The following RAB28 variants were observed in gnomAD, a reference collection of about 807,000 sequenced individuals.
RAB28 encodes ras-related protein Rab-28.
RAB28 carries 24 observed loss-of-function variants against 31.7 expected under a neutral mutation model. That is an observed-to-expected ratio of 0.76 (90% CI 0.55 to 1.06). The LOEUF (loss-of-function observed/expected upper bound fraction) is 1.06, where lower values mean the gene tolerates loss of function less well. Ranked by LOEUF, RAB28 falls within the 50% of genes least tolerant of loss-of-function variation. The pLI, the probability that RAB28 is intolerant of heterozygous loss-of-function variation, is 0.00. For missense variants in RAB28, 254 were observed against 258.5 expected, an observed-to-expected ratio of 0.98 and a Z score of 0.12; for synonymous variants, 100 against 90.4, an observed-to-expected ratio of 1.11 and a Z score of -0.60.
chr4:13,389,180 T>C (rs1047449558), intron 4 of RAB28, among the ~76,000 whole-genome samples: 6 of 152,162 alleles, frequency 3.9e-5, no homozygotes, highest in Admixed American at 1.3e-4. Flanking sequence ...CTTGAGCGCA[T>C]TACGTTAAGT....
At chr4:13,438,983 A>T (rs976752660) in intron 4 of RAB28, among the ~76,000 whole-genome samples, 4 of 152,134 alleles carry the variant, frequency 2.6e-5, no homozygotes, top group African/African-American at 9.7e-5. Flanking sequence ...ACTGGGTGTG[A>T]CATGTTGTCT....
At chr4:13,390,397 T>C (rs1019885625) in intron 4 of RAB28, among the ~76,000 whole-genome samples, 2 of 152,066 alleles carry the variant, frequency 1.3e-5, no homozygotes, top group Non-Finnish European at 2.9e-5. Flanking sequence ...TACAAACCAC[T>C]GCTCAAGGAA....
chr4:13,437,962 G>A (rs1714213400), intron 4 of RAB28, among the ~76,000 whole-genome samples: 1 of 151,994 alleles, frequency 6.6e-6, no homozygotes, highest in Admixed American at 6.6e-5. Context: ...CATCAAAAGT[G>A]GACTGGATAA....
intron 4 of RAB28, among the ~76,000 whole-genome samples, chr4:13,430,727 C>T (rs2108930705): frequency 6.6e-6 from 1 of 152,256 alleles, no homozygotes; most frequent in Non-Finnish European, 1.5e-5. Context: ...TCACCAGATG[C>T]ACCACAAATA....
At chr4:13,419,253 G>C (rs1468050113) in intron 4 of RAB28, among the ~76,000 whole-genome samples, 1 of 152,120 alleles carries the variant, frequency 6.6e-6, no homozygotes, top group Non-Finnish European at 1.5e-5. Flanking sequence ...CATAAAGCAA[G>C]TCCTTAGAGA....
At chr4:13,476,621 T>C (rs760214747) in intron 2 of RAB28, among the ~76,000 whole-genome samples, 4 of 151,532 alleles carry the variant, frequency 2.6e-5, no homozygotes, top group Admixed American at 6.6e-5. Flanking sequence ...GAGGATATGA[T>C]TCAAATCAAT....
intron 4 of RAB28, among the ~76,000 whole-genome samples, chr4:13,428,171 C>T (rs910647568): frequency 2.0e-5 from 3 of 152,212 alleles, no homozygotes; most frequent in Non-Finnish European, 4.4e-5. Context: ...TTTAACCAGG[C>T]CCAGGGCGCG....
intron 4 of RAB28, among the ~76,000 whole-genome samples, chr4:13,398,817 T>C (rs939395820): frequency 2.0e-5 from 3 of 151,566 alleles, no homozygotes; most frequent in African/African-American, 7.3e-5. Context: ...TAGGCAATTA[T>C]ATTATGGTTA....
intron 4 of RAB28, among the ~76,000 whole-genome samples, chr4:13,416,543 G>C (rs1712791873): frequency 6.6e-6 from 1 of 152,132 alleles, no homozygotes; most frequent in African/African-American, 2.4e-5. Context: ...TAGAAATACA[G>C]AGAAAAATTA....
chr4:13,399,291 T>C (rs1711612583), intron 4 of RAB28, among the ~76,000 whole-genome samples: 1 of 152,220 alleles, frequency 6.6e-6, no homozygotes. Flanking sequence ...CATGCATTTG[T>C]ACTGCCATAT....
chr4:13,369,245 AT>A (rs1728625420), intron 6 of RAB28, among the ~76,000 whole-genome samples: 1 of 152,130 alleles, frequency 6.6e-6, no homozygotes, highest in Non-Finnish European at 1.5e-5. Flanking sequence ...ACTATTGGTT[AT>A]GAATACAACT....
chr4:13,446,072 G>A (rs1714679947), intron 4 of RAB28, among the ~76,000 whole-genome samples: 1 of 152,202 alleles, frequency 6.6e-6, no homozygotes, highest in Non-Finnish European at 1.5e-5. Context: ...GCCTTGCCCA[G>A]TAAGGAGGAA....
At chr4:13,430,754 T>C (rs1305678029) in intron 4 of RAB28, among the ~76,000 whole-genome samples, 3 of 152,170 alleles carry the variant, frequency 2.0e-5, no homozygotes, top group Non-Finnish European at 4.4e-5. Flanking sequence ...TAACCCACTC[T>C]GACTTTGGCA....
In RAB28 at chr4:13,368,644, C is replaced by A; in HGVS notation, c.580G>T (p.Val194Leu). The change falls in exon 7 of 7, where the codon GTG (valine) becomes TTG (leucine). Residue 194 changes from valine (V) to leucine (L), a missense_variant. By Grantham distance (32) the Val-to-Leu change is conservative (BLOSUM62 1). Coordinates refer to ENST00000330852, the MANE Select transcript of RAB28 (RefSeq NM_001017979.3). The stretch of plus-strand genomic sequence containing the variant: ...TTGTAGTTTACAATATCTGCCTTCA[C>A]CACCCTCTGTCATAAAAGAAAACAG... ...KAEIEQSQRV[V>L]KADIVNYNQE... 1 of 1,609,926 alleles carries A rather than the reference C, an allele frequency of 6.2e-7. No individual in the cohort carries two copies.
At chr4:13,379,812 T>C (rs527577223) in intron 5 of RAB28, among the ~76,000 whole-genome samples, 14 of 152,150 alleles carry the variant, frequency 9.2e-5, no homozygotes, top group African/African-American at 3.4e-4. Context: ...AGAGAAAGTA[T>C]AGTAACCCAG....
chr4:13,388,203 G>A (rs918555345), intron 4 of RAB28, among the ~76,000 whole-genome samples: 2 of 151,970 alleles, frequency 1.3e-5, no homozygotes, highest in Non-Finnish European at 2.9e-5. Flanking sequence ...AGAAAGCCCA[G>A]AAATAAACCT....
intron 5 of RAB28, among the ~76,000 whole-genome samples, chr4:13,377,597 T>G (rs952502266): frequency 7.2e-5 from 11 of 152,144 alleles, no homozygotes; most frequent in Admixed American, 2.0e-4. Context: ...GGTAGGCTAC[T>G]GGAAGGACTT....
intron 4 of RAB28, chr4:13,459,901 T>C (rs1159191418): frequency 3.1e-6 from 4 of 1,289,344 alleles, no homozygotes; most frequent in Non-Finnish European, 4.0e-6. Context: ...TTGCTGTTCT[T>C]CATAATCCAT....
At chr4:13,411,479 T>C (rs943212216) in intron 4 of RAB28, among the ~76,000 whole-genome samples, 5 of 152,018 alleles carry the variant, frequency 3.3e-5, no homozygotes, top group African/African-American at 1.2e-4. Context: ...ACAAGAAAAA[T>C]TAAGATTAAC....
Sources: allele counts gnomAD v4.1 joint callset (sites outside exome capture counted in the v4.1 genomes callset), GRCh38; gene constraint gnomAD v4.1.1; transcripts MANE v1.5; gene names NCBI Gene and HGNC (gene_info 2026-07-23, HGNC 2026-07-21).